ZNF774: variants seen among roughly 807,000 people sequenced by gnomAD.
ZNF774 encodes zinc finger protein 774.
In ZNF774, 14 loss-of-function variants were observed where a neutral mutation model predicts 11.1. The ratio of observed to expected loss-of-function variants is 1.26; its 90% CI spans 0.83 to 1.97. The LOEUF (loss-of-function observed/expected upper bound fraction) is 1.97, where lower values mean the gene tolerates loss of function less well. Among genes scored for constraint, ZNF774 ranks in the 30% most tolerant of loss-of-function variants. The probability of loss-of-function intolerance (pLI) is 0.00; values close to 1 mark genes in which losing one functional copy is unlikely to be tolerated. For missense variants in ZNF774, 599 were observed against 587.0 expected (o/e 1.02, Z -0.21); for synonymous variants, 195 against 212.6 (o/e 0.92, Z 0.72).
In ZNF774 at chr15:90,361,399, C is replaced by T; in HGVS notation, c.*116C>T. ...GGCTCAATTTGGGCCCTGATCTATTCTCCCTCTTTCTTGTCTATGTTATAA... is the reference window on the plus strand; with the variant it reads ...GGCTCAATTTGGGCCCTGATCTATTTTCCCTCTTTCTTGTCTATGTTATAA... On this transcript the variant is annotated 3_prime_UTR_variant, in exon 4 of 4. Transcript: ENST00000354377. 1 of 1,494,418 alleles carries T rather than the reference C, an allele frequency of 6.7e-7. No homozygotes were observed. The highest frequency in any genetic ancestry group is 8.8e-7 in the Non-Finnish European group (1 of 1,131,852). The allele number at this position is 1,494,418 out of a possible 1,614,324, so 92.6% of individuals were successfully genotyped here.
chr15:90,361,446 G>T lies in ZNF774; in HGVS notation c.*163G>T, dbSNP rs1332763415. 7.0e-7 allele frequency: 1 copy of T among 1,425,370 alleles called. No individual in the cohort carries two copies. The highest frequency in any genetic ancestry group is 9.1e-7 in the Non-Finnish European group (1 of 1,094,696). The allele number at this position is 1,425,370 out of a possible 1,614,324, so 88.3% of individuals were successfully genotyped here. On this transcript the variant is annotated 3_prime_UTR_variant, in exon 4 of 4. Coordinates refer to ENST00000354377, the MANE Select transcript of ZNF774 (RefSeq NM_001004309.3). Reference sequence around the variant, plus strand: ...ATAACAGAGAGGATAAACTTAAAGGGTCCAAATAACGGTCCGAATACAAAA... The same window carrying T: ...ATAACAGAGAGGATAAACTTAAAGGTTCCAAATAACGGTCCGAATACAAAA...
intron 1 of ZNF774, 33 bp from the exon 2 acceptor site, chr15:90,354,609 G>A: frequency 7.2e-7 from 1 of 1,391,980 alleles, no homozygotes; most frequent in Non-Finnish European, 1.0e-6. Flanking sequence ...TATCTAGGGA[G>A]CTACTGATGC....
At chr15:90,356,355 C>T (rs1964249391) in intron 2 of ZNF774, among the ~76,000 whole-genome samples, 1 of 151,560 alleles carries the variant, frequency 6.6e-6, no homozygotes, top group South Asian at 2.1e-4. Context: ...GGAGTGGGCC[C>T]AGCTCTAATT....
In ZNF774 at chr15:90,362,242, T is replaced by G; in HGVS notation, c.*959T>G. 2 of 313,578 alleles carry G rather than the reference T, an allele frequency of 6.4e-6. No homozygotes were observed. The highest frequency in any genetic ancestry group is 1.2e-5 in the Non-Finnish European group (2 of 165,670). 19.4% of individuals were successfully genotyped at this position (313,578 alleles called of 1,614,324 possible). Reference sequence around the variant, plus strand: ...GACAAGGCCAAATTATCGTAGAGGATGTTTGCGGTCTTGTGACTTGGAGGC... The same window carrying G: ...GACAAGGCCAAATTATCGTAGAGGAGGTTTGCGGTCTTGTGACTTGGAGGC... On this transcript the variant is annotated 3_prime_UTR_variant, in exon 4 of 4. Transcript: ENST00000354377.
Position 90,360,115 on chromosome 15 carries a change from A to G in ZNF774, c.284A>G (p.Glu95Gly). ...ETAEQCGTSSERTNKDLSHTL... is the reference protein window; with the variant it reads ...ETAEQCGTSSGRTNKDLSHTL... ...GCAGAACAATGTGGAACATCCTCAG[A>G]AAGGACCAATAAAGATCTTTCTCAT... is the stretch of plus-strand genomic sequence containing the variant. The change falls in exon 4 of 4, where the codon GAA becomes GGA. Residue 95 changes from glutamate (E) to glycine (G), a missense_variant. Physicochemically the swap from Glu to Gly is moderately conservative, Grantham distance 98. Coordinates refer to ENST00000354377, the MANE Select transcript of ZNF774 (RefSeq NM_001004309.3). 1 of 1,614,212 alleles carries G rather than the reference A, an allele frequency of 6.2e-7. No homozygotes were observed. The highest frequency in any genetic ancestry group is 8.5e-7 in the Non-Finnish European group (1 of 1,180,046).
intron 2 of ZNF774, among the ~76,000 whole-genome samples, chr15:90,355,823 G>A (rs1433166612): frequency 1.3e-5 from 2 of 150,398 alleles, no homozygotes; most frequent in South Asian, 4.2e-4. Context: ...AAGGTCAGGA[G>A]ATCGAGACCA....
chr15:90,358,700 G>C (rs2151682252), intron 2 of ZNF774, 151 bp from the exon 3 acceptor site: 1 of 504,182 alleles, frequency 2.0e-6, no homozygotes, highest in East Asian at 3.5e-5. Flanking sequence ...TTTTATCACT[G>C]TACCATGGCT....
In ZNF774 at chr15:90,358,966, T is replaced by G; in HGVS notation, c.211+9T>G. 1 of 1,605,788 alleles carries G rather than the reference T, an allele frequency of 6.2e-7. No individual in the cohort carries two copies. Among genetic ancestry groups the G allele is most frequent in the South Asian group, 1.1e-5 (1 of 90,870 alleles). ...GAGGGAAAGCCACACAGGTGAGATG[T>G]GAGTGCTCCCCAGTGGAAGGAAATC... is the stretch of plus-strand genomic sequence containing the variant. On this transcript the variant is annotated intron_variant, in intron 3 of 3. Transcript: ENST00000354377.
At position 90,360,652 on chromosome 15, in the gene ZNF774, G is replaced by A. The variant is rs763722439; in HGVS notation, c.821G>A (p.Arg274Gln). Residue 274 changes from arginine to glutamine, a missense_variant, in exon 4 of 4, where the codon CGA (arginine) becomes CAA (glutamine). Arg to Gln is a conservative substitution (Grantham distance 43). Coordinates refer to ENST00000354377, the MANE Select transcript of ZNF774 (RefSeq NM_001004309.3). ...ACLECHKSFS[R>Q]SSNFITHQRT... ...CTGGAATGTCACAAAAGCTTCAGTC[G>A]AAGCTCAAATTTCATCACTCACCAG... 7 of 1,613,974 alleles carry A rather than the reference G, an allele frequency of 4.3e-6. No homozygotes were observed. The highest frequency in any genetic ancestry group is 5.9e-6 in the Non-Finnish European group (7 of 1,179,992).
At chr15:90,354,530 C>G in intron 1 of ZNF774, 112 bp from the exon 2 acceptor site, 1 of 656,140 alleles carries the variant, frequency 1.5e-6, no homozygotes, top group Non-Finnish European at 2.7e-6. Context: ...CAGGACCATT[C>G]TGGTCAGGTG....
intron 2 of ZNF774, among the ~76,000 whole-genome samples, chr15:90,356,883 C>G (rs1054341431): frequency 5.9e-5 from 9 of 152,070 alleles, no homozygotes; most frequent in African/African-American, 2.2e-4. Flanking sequence ...AGGAGGATCC[C>G]TTCAGCACAG....
chr15:90,354,219 C>T (rs13329288), intron 1 of ZNF774, among the ~76,000 whole-genome samples: 39,571 of 151,826 alleles, frequency 0.26, 5,728 homozygotes, highest in African/African-American at 0.4. Flanking sequence ...AAGTTAGCTG[C>T]TCCCATAACT....
rs780694774 is a variant in ZNF774 at position 90,360,236 on chromosome 15, G to A, written c.405G>A (p.Gln135=). Residue 135 remains glutamine (Q), a synonymous_variant, in exon 4 of 4, where the codon CAG becomes CAA. Coordinates refer to ENST00000354377, the MANE Select transcript of ZNF774 (RefSeq NM_001004309.3). ...PGEGQLESFS[Q]ERDLNKLLDG... ...AGGGCCAGCTGGAGTCCTTTTCACA[G>A]GAGAGGGATTTAAACAAGCTCCTGG... is the stretch of plus-strand genomic sequence containing the variant. 1 of 1,614,222 alleles carries A rather than the reference G, an allele frequency of 6.2e-7. No individual in the cohort carries two copies. Among genetic ancestry groups the A allele is most frequent in the Non-Finnish European group, 8.5e-7 (1 of 1,180,046 alleles).
intron 3 of ZNF774, among the ~76,000 whole-genome samples, chr15:90,359,463 G>GT (rs975955179): frequency 9.3e-5 from 14 of 150,620 alleles, no homozygotes; most frequent in Non-Finnish European, 1.6e-4. Flanking sequence ...TCTAACCTAT[G>GT]TTTTTTTTTG....
chr15:90,357,896 ATTTTT>A (rs59624159), intron 2 of ZNF774, among the ~76,000 whole-genome samples: 6 of 137,602 alleles, frequency 4.4e-5, no homozygotes. Flanking sequence ...TCTTATCCCA[ATTTTT>A]TTTTTTTTTT....
At chr15:90,355,427 C>T (rs1291930037) in intron 2 of ZNF774, 1 of 455,896 alleles carries the variant, frequency 2.2e-6, no homozygotes, top group African/African-American at 2.0e-5. Context: ...GTAATTTTTT[C>T]TGTCACTTAA....
At position 90,360,804 on chromosome 15, in the gene ZNF774, G is replaced by A; in HGVS notation, c.973G>A (p.Gly325Arg). ...GERPFKCPEC[G>R]KGFRDSSHFV... is the part of the protein sequence containing the mutation. ...ACGGCCCTTCAAATGCCCGGAGTGC[G>A]GGAAGGGCTTCAGAGATAGTTCTCA... Residue 325 changes from glycine to arginine, a missense_variant, in exon 4 of 4, where the codon GGG (glycine) becomes AGG (arginine). Transcript: ENST00000354377. 1 of 1,614,108 alleles carries A rather than the reference G, an allele frequency of 6.2e-7. No individual in the cohort carries two copies. Among genetic ancestry groups the A allele is most frequent in the African/African-American group, 1.3e-5 (1 of 75,030 alleles).
chr15:90,352,844 G>A (rs539840643), intron 1 of ZNF774, among the ~76,000 whole-genome samples: 6 of 152,254 alleles, frequency 3.9e-5, no homozygotes, highest in Admixed American at 1.3e-4. Flanking sequence ...GGAAAGGGAC[G>A]GGCTGGGAAA....
intron 2 of ZNF774, among the ~76,000 whole-genome samples, chr15:90,356,496 CT>C (rs1189884484): frequency 6.6e-6 from 1 of 152,114 alleles, no homozygotes; most frequent in Non-Finnish European, 1.5e-5. Flanking sequence ...TGCGCCTGGC[CT>C]ACTTCATCTA....
Sources: gnomAD v4.1 joint callset for allele counts (sites outside exome capture counted in the v4.1 genomes callset) on GRCh38, gnomAD v4.1.1 for gene constraint, MANE v1.5 for transcripts, NCBI Gene and HGNC (gene_info 2026-07-23, HGNC 2026-07-21) for gene names.